ARHGAP15: variants seen among roughly 807,000 people sequenced by gnomAD.
ARHGAP15 encodes Rho GTPase activating protein 15.
Under a neutral mutation model 63.7 loss-of-function variants are expected in ARHGAP15, and 51 were observed. That is an observed-to-expected ratio of 0.80 (90% CI 0.64 to 1.01). ARHGAP15 has a LOEUF of 1.01. ARHGAP15 is among the 50% of genes least tolerant of loss of function. The probability of loss-of-function intolerance (pLI) is 0.00; values close to 1 mark genes in which losing one functional copy is unlikely to be tolerated. For synonymous variants in ARHGAP15, 191 were observed against 193.8 expected (o/e 0.99, Z 0.12); for missense variants, 560 against 564.6 (o/e 0.99, Z 0.08).
At chr2:143,328,228 C>T (rs545259512) in intron 6 of ARHGAP15, among the ~76,000 whole-genome samples, 2 of 152,294 alleles carry the variant, frequency 1.3e-5, no homozygotes, top group African/African-American at 4.8e-5. Flanking sequence ...TTTGACCTAG[C>T]AATCCCATTA....
chr2:143,438,905 T>A (rs1689735160), intron 8 of ARHGAP15, among the ~76,000 whole-genome samples: 1 of 152,192 alleles, frequency 6.6e-6, no homozygotes, highest in Non-Finnish European at 1.5e-5. Flanking sequence ...GACCTTAAGA[T>A]GTTTCTAAAA....
At chr2:143,623,599 C>T (rs931773286) in intron 11 of ARHGAP15, among the ~76,000 whole-genome samples, 1 of 152,216 alleles carries the variant, frequency 6.6e-6, no homozygotes, top group African/African-American at 2.4e-5. Flanking sequence ...GTATTCTCTT[C>T]CTTGCTGACT....
At chr2:143,643,259 C>G (rs1680695086) in intron 12 of ARHGAP15, among the ~76,000 whole-genome samples, 1 of 151,962 alleles carries the variant, frequency 6.6e-6, no homozygotes, top group South Asian at 2.1e-4. Context: ...TGGCTATCGC[C>G]CAAATATAAC....
intron 6 of ARHGAP15, among the ~76,000 whole-genome samples, chr2:143,258,004 T>A (rs1680512259): frequency 6.6e-6 from 1 of 152,280 alleles, no homozygotes; most frequent in Admixed American, 6.5e-5. Flanking sequence ...TCATGCTGTG[T>A]ATGATTTTTA....
intron 11 of ARHGAP15, among the ~76,000 whole-genome samples, chr2:143,590,005 T>A (rs1697259943): frequency 6.6e-6 from 1 of 152,170 alleles, no homozygotes. Flanking sequence ...ATACTTGACT[T>A]GCACAGAAAA....
chr2:143,137,081 C>T (rs1042343703), intron 1 of ARHGAP15, among the ~76,000 whole-genome samples: 14 of 152,050 alleles, frequency 9.2e-5, no homozygotes, highest in Non-Finnish European at 1.9e-4. Flanking sequence ...TTCCAAATGA[C>T]TATTATACTT....
chr2:143,757,648 G>A (rs1686627006), intron 13 of ARHGAP15, among the ~76,000 whole-genome samples: 1 of 152,116 alleles, frequency 6.6e-6, no homozygotes. Flanking sequence ...GAGAGTGGTG[G>A]TTTATTCAAC....
In ARHGAP15 at chr2:143,461,281, C is replaced by CAAAAAA. The variant is rs70982868; in HGVS notation, c.703+24259_703+24264dup. Among the ~76,000 whole-genome samples, 151 of 54,780 alleles carry CAAAAAA rather than the reference C, an allele frequency of 2.8e-3. 4 individuals carry two copies. The highest frequency in any genetic ancestry group is 5.1e-3 in the East Asian group (8 of 1,560). 35.9% of individuals were successfully genotyped at this position (54,780 alleles called of 152,430 possible). A position where few individuals can be genotyped will look rare whatever the true frequency, so the allele number is the denominator to read the frequency against. ...GGCTACAGAATGAGACTCTGTCTCT[C>CAAAAAA]AAAAAAAAAAAAAAAAAAAAAAAAA... On this transcript the variant is annotated intron_variant, in intron 8 of 13. Transcript: ENST00000295095.
chr2:143,477,577 T>A (rs1244727445), intron 8 of ARHGAP15, among the ~76,000 whole-genome samples: 1 of 151,996 alleles, frequency 6.6e-6, no homozygotes, highest in African/African-American at 2.4e-5. Context: ...ATCTAACAGA[T>A]GATACAATAC....
chr2:143,410,743 A>C (rs1688406349), intron 6 of ARHGAP15, among the ~76,000 whole-genome samples: 2 of 152,094 alleles, frequency 1.3e-5, no homozygotes, highest in African/African-American at 4.8e-5. Flanking sequence ...AGATACTGGA[A>C]ATTTAAATAG....
At chr2:143,661,962 C>T (rs1297863105) in intron 12 of ARHGAP15, among the ~76,000 whole-genome samples, 3 of 152,160 alleles carry the variant, frequency 2.0e-5, no homozygotes, top group South Asian at 2.1e-4. Context: ...CAGTCTGAGA[C>T]CAAACTGCAA....
At position 143,435,831 on chromosome 2, in the gene ARHGAP15, T is replaced by A. The variant is rs562642135; in HGVS notation, c.573+132T>A. On this transcript the variant is annotated intron_variant, in intron 7 of 13. Coordinates refer to ENST00000295095, the MANE Select transcript of ARHGAP15 (RefSeq NM_018460.4). ...TGAGAGGGATTAAGTTCTTTTAGTT[T>A]AAATAGAATCTACTAAAAACCTTTT... 6 of 918,568 alleles carry A rather than the reference T, an allele frequency of 6.5e-6. No individual in the cohort carries two copies. In the African/African-American group the frequency reaches 7.1e-5, roughly 11 times the overall value. 56.9% of individuals were successfully genotyped at this position (918,568 alleles called of 1,614,324 possible). A position where few individuals can be genotyped will look rare whatever the true frequency, so the allele number is the denominator to read the frequency against.
chr2:143,661,976 G>A (rs968139520), intron 12 of ARHGAP15, among the ~76,000 whole-genome samples: 42 of 152,318 alleles, frequency 2.8e-4, no homozygotes, highest in East Asian at 9.7e-4. Flanking sequence ...ACTGCAAGGC[G>A]GCAGCGAGGC....
chr2:143,555,498 TTA>T (rs1695746348), intron 10 of ARHGAP15, among the ~76,000 whole-genome samples: 1 of 152,146 alleles, frequency 6.6e-6, no homozygotes, highest in Admixed American at 6.6e-5. Context: ...TTAGATACTA[TTA>T]TAGTGTTTGA....
intron 12 of ARHGAP15, among the ~76,000 whole-genome samples, chr2:143,663,576 A>C (rs1681959392): frequency 6.6e-6 from 1 of 151,862 alleles, no homozygotes; most frequent in African/African-American, 2.4e-5. Flanking sequence ...TATTAACTTT[A>C]AATGTAAATG....
At chr2:143,339,000 A>C (rs1684933973) in intron 6 of ARHGAP15, among the ~76,000 whole-genome samples, 1 of 152,174 alleles carries the variant, frequency 6.6e-6, no homozygotes, top group African/African-American at 2.4e-5. Context: ...CATAACAAGC[A>C]ATAAGTATGA....
chr2:143,253,933 A>C (rs530160379), intron 6 of ARHGAP15, among the ~76,000 whole-genome samples: 1 of 152,214 alleles, frequency 6.6e-6, no homozygotes, highest in East Asian at 1.9e-4. Context: ...ATTGCTGCTA[A>C]CTTTTGTTTA....
At chr2:143,134,475 G>T (rs1191787342) in intron 1 of ARHGAP15, among the ~76,000 whole-genome samples, 1 of 152,124 alleles carries the variant, frequency 6.6e-6, no homozygotes, top group Non-Finnish European at 1.5e-5. Context: ...AAAGATTAAA[G>T]GTCGATTTGC....
intron 8 of ARHGAP15, among the ~76,000 whole-genome samples, chr2:143,464,907 A>T (rs917270941): frequency 1.3e-5 from 2 of 152,146 alleles, no homozygotes; most frequent in African/African-American, 4.8e-5. Flanking sequence ...TATATAAGGC[A>T]ATTACGTCGT....
Sources: allele counts gnomAD v4.1 joint callset (sites outside exome capture counted in the v4.1 genomes callset), GRCh38; gene constraint gnomAD v4.1.1; transcripts MANE v1.5; gene names NCBI Gene and HGNC (gene_info 2026-07-23, HGNC 2026-07-21).